The following ANXA6 variants were observed in gnomAD, a reference collection of about 807,000 sequenced individuals.
The protein encoded by ANXA6 is 67 kDa calelectrin.
In ANXA6, 71 loss-of-function variants were observed where a neutral mutation model predicts 95.4. The ratio of observed to expected loss-of-function variants is 0.74; its 90% CI spans 0.61 to 0.91. ANXA6 has a LOEUF of 0.91. ANXA6 is among the 40% of genes least tolerant of loss of function. The pLI is 0.00. For synonymous variants in ANXA6, 289 were observed against 315.9 expected, an observed-to-expected ratio of 0.91 and a Z score of 0.90; for missense variants, 830 against 876.4, an observed-to-expected ratio of 0.95 and a Z score of 0.67.
chr5:151,134,660 G>A (rs1409807454), intron 7 of ANXA6, among the ~76,000 whole-genome samples, 177 bp from the exon 8 acceptor site: 1 of 152,180 alleles, frequency 6.6e-6, no homozygotes, highest in Non-Finnish European at 1.5e-5. Flanking sequence ...AATCAAAAGG[G>A]ACCCTCCCTC....
At chr5:151,102,676 C>T (rs1269782077) in intron 25 of ANXA6, among the ~76,000 whole-genome samples, 6 of 152,128 alleles carry the variant, frequency 3.9e-5, no homozygotes, top group South Asian at 2.1e-4. Context: ...TGCACTCCAG[C>T]CTGGGCGACA....
At position 151,149,598 on chromosome 5, in the gene ANXA6, T is replaced by A. The variant is rs191523853; in HGVS notation, c.-25-1672A>T. ...ACCTCCCGGGTTCAAGCGATTCTCC[T>A]GCCTCAGCCTCCTGAGTAGCTGGGA... On this transcript the variant is annotated intron_variant, in intron 1 of 25. Transcript: ENST00000354546. Among the ~76,000 whole-genome samples, 6 of 152,216 alleles carry A rather than the reference T, an allele frequency of 3.9e-5. No individual in the cohort carries two copies. The East Asian group carries it at 1.2e-3, about 30-fold the overall frequency.
Position 151,122,186 on chromosome 5 carries a change from C to A in ANXA6, c.1308G>T (p.Pro436=). 6.2e-7 allele frequency: 1 copy of A among 1,602,062 alleles called. No individual in the cohort carries two copies. The highest frequency in any genetic ancestry group is 8.5e-7 in the Non-Finnish European group (1 of 1,175,772). ...ARLILGLMMP[P]AHYDAKQLKK... is the part of the protein sequence containing the mutation. Reference sequence around the variant, plus strand: ...TCAACTGCTTGGCATCGTAATGGGCCGGTGGCATCATGAGCCCCAGAATCA... The same window carrying A: ...TCAACTGCTTGGCATCGTAATGGGCAGGTGGCATCATGAGCCCCAGAATCA... The change falls in exon 17 of 26, where the codon CCG becomes CCT. Residue 436 remains proline, a synonymous_variant. Transcript: ENST00000354546.
intron 6 of ANXA6, 56 bp downstream of exon 6, chr5:151,137,175 C>T (rs989783391): frequency 1.4e-6 from 2 of 1,450,260 alleles, no homozygotes. Context: ...CCCACTGTTG[C>T]AATCATCCTC....
At chr5:151,151,518 G>A (rs1766105508) in intron 1 of ANXA6, 1 of 152,154 alleles carries the variant, frequency 6.6e-6, no homozygotes, top group South Asian at 2.1e-4. Context: ...GGGACACCAG[G>A]AAGAGTCCAA....
chr5:151,136,851 A>G (rs571939168), intron 6 of ANXA6, among the ~76,000 whole-genome samples: 2 of 152,232 alleles, frequency 1.3e-5, no homozygotes, highest in South Asian at 4.1e-4. Context: ...TCTTCTCTCC[A>G]TTCTTTATAC....
intron 25 of ANXA6, among the ~76,000 whole-genome samples, chr5:151,101,771 C>T (rs1350371800): frequency 6.6e-6 from 1 of 152,212 alleles, no homozygotes; most frequent in African/African-American, 2.4e-5. Flanking sequence ...TCTGCAGCTT[C>T]ACCTGTTCCT....
At chr5:151,138,925 G>A in intron 4 of ANXA6, 134 bp from the exon 5 acceptor site, 1 of 679,950 alleles carries the variant, frequency 1.5e-6, no homozygotes, top group Non-Finnish European at 2.6e-6. Context: ...CACCCTTGGA[G>A]GTATGTACTG....
chr5:151,105,923 C>T (rs1197915376), intron 23 of ANXA6, among the ~76,000 whole-genome samples: 8 of 152,152 alleles, frequency 5.3e-5, no homozygotes, highest in Non-Finnish European at 1.2e-4. Context: ...CTTTCAATGG[C>T]AAAACTGCAA....
At chr5:151,124,192 T>C in intron 15 of ANXA6, 94 bp downstream of exon 15, 1 of 1,072,280 alleles carries the variant, frequency 9.3e-7, no homozygotes. Context: ...AGACTCTAAT[T>C]TGAAACCTCA....
At position 151,126,494 on chromosome 5, in the gene ANXA6, G is replaced by A; in HGVS notation, c.978-14C>T. The A allele has an allele frequency of 3.1e-6, 5 of 1,600,994 alleles. No individual in the cohort carries two copies. The highest frequency in any genetic ancestry group is 4.3e-6 in the Non-Finnish European group (5 of 1,173,776). On this transcript the variant is annotated splice_polypyrimidine_tract_variant and intron_variant, in intron 13 of 25. Coordinates refer to ENST00000354546, the MANE Select transcript of ANXA6 (RefSeq NM_001155.5). ...TGGCCAGCAGCACTGGAATGGAGGG[G>A]TTTAGGGAGAGGACAGGAAGGAATG... is the stretch of plus-strand genomic sequence containing the variant.
chr5:151,135,098 C>G (rs1254594878), intron 7 of ANXA6, among the ~76,000 whole-genome samples: 1 of 152,166 alleles, frequency 6.6e-6, no homozygotes, highest in Non-Finnish European at 1.5e-5. Context: ...GAGCAGTACT[C>G]AACTCCTTCT....
intron 14 of ANXA6, 82 bp downstream of exon 14, chr5:151,126,320 T>C (rs1765313913): frequency 7.9e-7 from 1 of 1,265,432 alleles, no homozygotes; most frequent in African/African-American, 1.5e-5. Flanking sequence ...AGGGGGCAGC[T>C]GGGTGCCAAC....
At chr5:151,149,666 T>TAGTA (rs1180314106) in intron 1 of ANXA6, among the ~76,000 whole-genome samples, 4 of 152,162 alleles carry the variant, frequency 2.6e-5, no homozygotes, top group Non-Finnish European at 5.9e-5. Flanking sequence ...TTCGTATTTT[T>TAGTA]AGTAGAGATG....
intron 2 of ANXA6, among the ~76,000 whole-genome samples, chr5:151,141,265 C>A (rs1439569882): frequency 6.6e-6 from 1 of 152,174 alleles, no homozygotes; most frequent in Non-Finnish European, 1.5e-5. Context: ...ACCGAGCACA[C>A]AGCACAGTGA....
chr5:151,132,503 C>G lies in ANXA6; in HGVS notation c.709G>C (p.Asp237His). 1 of 1,613,190 alleles carries G rather than the reference C, an allele frequency of 6.2e-7. No individual in the cohort carries two copies. The highest frequency in any genetic ancestry group is 8.5e-7 in the Non-Finnish European group (1 of 1,179,640). Residue 237 changes from aspartate to histidine, a missense_variant, in exon 10 of 26, where the codon GAC becomes CAC. Physicochemically the swap from Asp to His is moderately conservative, Grantham distance 81. Coordinates refer to ENST00000354546, the MANE Select transcript of ANXA6 (RefSeq NM_001155.5). ...EASIRGELSG[D>H]FEKLMLAVVK... The stretch of plus-strand genomic sequence containing the variant: ...ACGGCCAGCATTAGCTTCTCAAAGT[C>G]CCCAGACAGCTCCCCTCGGATGCTG...
intron 25 of ANXA6, among the ~76,000 whole-genome samples, chr5:151,102,452 C>T (rs1329327745): frequency 1.3e-5 from 2 of 152,064 alleles, no homozygotes; most frequent in Non-Finnish European, 2.9e-5. Flanking sequence ...ACCTGTAATC[C>T]CAGCACTTTG....
At chr5:151,121,208 A>C (rs1243508850) in intron 17 of ANXA6, among the ~76,000 whole-genome samples, 1 of 152,212 alleles carries the variant, frequency 6.6e-6, no homozygotes, top group Non-Finnish European at 1.5e-5. Flanking sequence ...TAGAGTCAGA[A>C]AGACTGGTCT....
chr5:151,107,842 C>T (rs539310003), intron 23 of ANXA6, among the ~76,000 whole-genome samples: 2 of 151,946 alleles, frequency 1.3e-5, no homozygotes, highest in South Asian at 2.1e-4. Flanking sequence ...TGAGAGGAGA[C>T]GAGGGTCTGT....
Sources: allele counts gnomAD v4.1 joint callset (sites outside exome capture counted in the v4.1 genomes callset), GRCh38; gene constraint gnomAD v4.1.1; transcripts MANE v1.5; gene names NCBI Gene and HGNC (gene_info 2026-07-23, HGNC 2026-07-21).